Variants in ANKFN1 observed in about 807,000 individuals in gnomAD.
ANKFN1 encodes ankyrin repeat and fibronectin type III domain containing 1, also known as ankyrin repeat and fibronectin type-III domain-containing protein 1.
ANKFN1 carries 74 observed loss-of-function variants against 108.7 expected under a neutral mutation model. The observed-to-expected ratio is 0.68, with a 90% CI of 0.56 to 0.83. The LOEUF (loss-of-function observed/expected upper bound fraction) is 0.83, where lower values mean the gene tolerates loss of function less well. ANKFN1 is among the 40% of genes least tolerant of loss of function. The probability of loss-of-function intolerance (pLI) is 0.00; values close to 1 mark genes in which losing one functional copy is unlikely to be tolerated. For synonymous variants in ANKFN1, 547 were observed against 516.2 expected, an observed-to-expected ratio of 1.06 and a Z score of -0.81; for missense variants, 1,505 against 1,382.3, an observed-to-expected ratio of 1.09 and a Z score of -1.41.
Position 56,510,816 on chromosome 17 carries a change from C to T in ANKFN1, c.2988C>T (p.Phe996=). 1 of 1,536,172 alleles carries T rather than the reference C, an allele frequency of 6.5e-7. No homozygotes were observed. The highest frequency in any genetic ancestry group is 8.7e-7 in the Non-Finnish European group (1 of 1,146,908). The change falls in exon 21 of 21, where the codon TTC becomes TTT. Residue 996 remains phenylalanine, a synonymous_variant. Transcript: ENST00000682825. ...CCGGTGGGCGGCCCCCGCTAGGCTT[C>T]CTGGGAAAGCGGAAGCCAGGCAAGC... The part of the protein sequence containing the change: ...TVSGGRPPLG[F]LGKRKPGKHP...
chr17:56,495,625 T>C (rs956142794), intron 19 of ANKFN1, among the ~76,000 whole-genome samples: 1 of 152,072 alleles, frequency 6.6e-6, no homozygotes, highest in Admixed American at 6.6e-5. Flanking sequence ...AGATAAGGCA[T>C]ACAGGCTTTA....
chr17:56,408,481 C>T (rs1197813532), intron 8 of ANKFN1, among the ~76,000 whole-genome samples: 1 of 151,994 alleles, frequency 6.6e-6, no homozygotes, highest in Non-Finnish European at 1.5e-5. Context: ...GGTGGACGCT[C>T]TTATGCGGAC....
At chr17:56,411,352 C>T (rs2048084769) in intron 8 of ANKFN1, among the ~76,000 whole-genome samples, 1 of 152,154 alleles carries the variant, frequency 6.6e-6, no homozygotes, top group Non-Finnish European at 1.5e-5. Flanking sequence ...AACCTACACT[C>T]TACTGAATGT....
rs192226787 is a variant in ANKFN1 at position 56,436,164 on chromosome 17, G to A, written c.911-4163G>A. Among the ~76,000 whole-genome samples the A allele has an allele frequency of 7.2e-5, 11 of 152,146 alleles. No individual in the cohort carries two copies. In the East Asian group the frequency reaches 1.9e-3, roughly 27 times the overall value. On this transcript the variant is annotated intron_variant, in intron 8 of 20. Transcript: ENST00000682825. ...AATGACTCTACATATCTGAAACCTA[G>A]ATAAAAATTAAAGTTTTGTTAAAAT... is the stretch of plus-strand genomic sequence containing the variant.
intron 3 of ANKFN1, chr17:56,258,466 A>G (rs2043414627): frequency 6.6e-6 from 1 of 152,188 alleles, no homozygotes; most frequent in African/African-American, 2.4e-5. Context: ...GAAGATGGTG[A>G]CAACACGCAC....
chr17:56,064,640 C>T (rs540379599), intron 4 of ANKFN1, among the ~76,000 whole-genome samples: 62 of 152,330 alleles, frequency 4.1e-4, no homozygotes, highest in African/African-American at 1.5e-3. Context: ...CTTTCCCCCA[C>T]CCAGGCAGCT....
At chr17:56,217,561 G>A (rs1055579697) in intron 2 of ANKFN1, among the ~76,000 whole-genome samples, 5 of 152,106 alleles carry the variant, frequency 3.3e-5, no homozygotes, top group African/African-American at 4.8e-5. Context: ...CTGGCATGTG[G>A]CAGATAGAGG....
At chr17:56,431,847 G>A (rs529146507) in intron 8 of ANKFN1, among the ~76,000 whole-genome samples, 170 of 152,334 alleles carry the variant, frequency 1.1e-3, no homozygotes, top group African/African-American at 3.7e-3. Flanking sequence ...AACTGACTAC[G>A]TATCTTGGTC....
At chr17:56,251,495 T>C (rs1649324993) in intron 3 of ANKFN1, among the ~76,000 whole-genome samples, 1 of 152,224 alleles carries the variant, frequency 6.6e-6, no homozygotes, top group East Asian at 1.9e-4. Context: ...CAGGTTTTTT[T>C]CTAAATAAGC....
Position 56,492,373 on chromosome 17 carries a change from G to T in ANKFN1, c.2427+20G>T, listed in dbSNP as rs897961561. Reference sequence around the variant, plus strand: ...ATTCAGGTAATTGTTTGTTCCTTCTGGGGTAAAAGGAAGGGAGAAGAGGCA... The same window carrying T: ...ATTCAGGTAATTGTTTGTTCCTTCTTGGGTAAAAGGAAGGGAGAAGAGGCA... On this transcript the variant is annotated intron_variant, in intron 19 of 20. Transcript: ENST00000682825. 2.9e-6 allele frequency: 2 copies of T among 696,852 alleles called. No homozygotes were observed. The highest frequency in any genetic ancestry group is 1.8e-5 in the African/African-American group (1 of 57,076). 43.2% of individuals were successfully genotyped at this position (696,852 alleles called of 1,614,324 possible).
At chr17:56,452,241 A>G (rs996507242) in intron 11 of ANKFN1, among the ~76,000 whole-genome samples, 4 of 152,230 alleles carry the variant, frequency 2.6e-5, no homozygotes, top group South Asian at 4.1e-4. Context: ...GCCAACATGA[A>G]TGAAGTAAAC....
intron 8 of ANKFN1, among the ~76,000 whole-genome samples, chr17:56,415,102 A>C (rs1292890653): frequency 6.6e-5 from 10 of 152,162 alleles, no homozygotes. Context: ...TAACAGACTC[A>C]CAGCCTTTGC....
intron 3 of ANKFN1, among the ~76,000 whole-genome samples, chr17:56,268,566 G>C (rs2043713576): frequency 6.6e-6 from 1 of 152,090 alleles, no homozygotes; most frequent in African/African-American, 2.4e-5. Context: ...CAGAAGAAAG[G>C]AAATAACCAA....
At chr17:56,497,592 G>C (rs1398509650) in intron 19 of ANKFN1, among the ~76,000 whole-genome samples, 2 of 152,182 alleles carry the variant, frequency 1.3e-5, no homozygotes, top group East Asian at 1.9e-4. Context: ...AAGAAATTTT[G>C]AAAATAAAAT....
chr17:56,442,933 A>C lies in ANKFN1; in HGVS notation c.1099A>C (p.Asn367His), dbSNP rs755255519. 8 of 1,613,488 alleles carry C rather than the reference A, an allele frequency of 5.0e-6. No individual in the cohort carries two copies. Among genetic ancestry groups the C allele is most frequent in the Non-Finnish European group, 5.9e-6 (7 of 1,179,632 alleles). The change falls in exon 10 of 21, where the codon AAC (asparagine) becomes CAC (histidine). Residue 367 changes from asparagine (N) to histidine (H), a missense_variant and splice_region_variant. Transcript: ENST00000682825. Reference sequence around the variant, plus strand: ...GACACCGGCATGTGCCTCTCCTTCTAGTAGGTGGTGGCTGTGAACTCTCTC... The same window carrying C: ...GACACCGGCATGTGCCTCTCCTTCTCGTAGGTGGTGGCTGTGAACTCTCTC... ...TTTPACASPS[N>H]WKDYDDREPR...
intron 1 of ANKFN1, among the ~76,000 whole-genome samples, chr17:56,211,283 G>A (rs771881244): frequency 6.6e-6 from 1 of 152,152 alleles, no homozygotes; most frequent in Non-Finnish European, 1.5e-5. Flanking sequence ...TTTTGTATAG[G>A]GTGAGAGATG....
Position 56,155,364 on chromosome 17 carries a change from T to G in ANKFN1, c.-71+1834T>G, listed in dbSNP as rs1598150844. ...TCTTCCATGAGACAAGGCTTCTCAC[T>G]GCTGAGAGGTCTGAATCTCTGCCCT... On this transcript the variant is annotated intron_variant, in intron 1 of 20. Transcript: ENST00000682825. 2.0e-5 allele frequency among the ~76,000 whole-genome samples: 3 copies of G among 152,344 alleles called. No homozygotes were observed. The South Asian group carries it at 6.2e-4, about 32-fold the overall frequency.
chr17:56,351,312 TA>T (rs1261691604), intron 5 of ANKFN1, among the ~76,000 whole-genome samples: 1 of 152,030 alleles, frequency 6.6e-6, no homozygotes, highest in African/African-American at 2.4e-5. Context: ...TTCATTCAAA[TA>T]ATGATATTAT....
intron 6 of ANKFN1, among the ~76,000 whole-genome samples, chr17:56,355,038 G>A (rs995979261): frequency 2.0e-5 from 3 of 152,108 alleles, no homozygotes; most frequent in South Asian, 2.1e-4. Context: ...GTACAGTAGG[G>A]TGATGTTGGA....
Sources: gnomAD v4.1 joint callset for allele counts (sites outside exome capture counted in the v4.1 genomes callset) on GRCh38, gnomAD v4.1.1 for gene constraint, MANE v1.5 for transcripts, NCBI Gene and HGNC (gene_info 2026-07-23, HGNC 2026-07-21) for gene names.